TOX4: variants seen among roughly 807,000 people sequenced by gnomAD.
TOX4 encodes TOX high mobility group box family member 4, also known as epidermal Langerhans cell protein LCP1.
A neutral mutation model predicts 61.0 loss-of-function variants in TOX4; 12 were observed. The ratio of observed to expected loss-of-function variants is 0.20; its 90% CI spans 0.13 to 0.32. The LOEUF (loss-of-function observed/expected upper bound fraction) is 0.32. Among genes scored for constraint, TOX4 ranks in the 10% least tolerant of loss-of-function variants. The probability of loss-of-function intolerance (pLI) is 1.00; values close to 1 mark genes in which losing one functional copy is unlikely to be tolerated. For missense variants in TOX4, 499 were observed against 753.3 expected, an observed-to-expected ratio of 0.66 and a Z score of 3.95; for synonymous variants, 268 against 274.8, an observed-to-expected ratio of 0.98 and a Z score of 0.24.
intron 8 of TOX4, chr14:21,496,298 C>G (rs934202904): frequency 4.0e-5 from 12 of 301,262 alleles, no homozygotes; most frequent in Non-Finnish European, 7.5e-5. Flanking sequence ...GAGGCCAAAG[C>G]GGGCGATTCA....
At chr14:21,489,456 A>C in intron 5 of TOX4, 53 bp downstream of exon 5, 3 of 1,501,954 alleles carry the variant, frequency 2.0e-6, no homozygotes, top group Non-Finnish European at 2.7e-6. Context: ...TTTTAAAGAG[A>C]TAAAAATTGA....
In TOX4 at chr14:21,496,648, A is replaced by G. The variant is rs1453639236; in HGVS notation, c.*42A>G. ...AGCCAGTGAAGAGTTATCTGCTGGG[A>G]AAGTGTCCAAGAGCCTGTTTTTGAA... is the stretch of plus-strand genomic sequence containing the variant. On this transcript the variant is annotated 3_prime_UTR_variant, in exon 9 of 9. Coordinates refer to ENST00000448790, the MANE Select transcript of TOX4 (RefSeq NM_014828.4). 5.7e-6 allele frequency: 9 copies of G among 1,576,058 alleles called. No individual in the cohort carries two copies. Among genetic ancestry groups the G allele is most frequent in the Non-Finnish European group, 7.8e-6 (9 of 1,148,228 alleles).
intron 1 of TOX4, 21 bp from the exon 2 acceptor site, chr14:21,477,475 C>T: frequency 4.3e-6 from 7 of 1,613,038 alleles, no homozygotes; most frequent in Non-Finnish European, 5.9e-6. Context: ...CTTATCCCCG[C>T]GACTTTCTTT....
At chr14:21,480,369 C>G (rs1891087404) in intron 2 of TOX4, among the ~76,000 whole-genome samples, 1 of 152,088 alleles carries the variant, frequency 6.6e-6, no homozygotes, top group African/African-American at 2.4e-5. Flanking sequence ...GCCTAAGGCT[C>G]CTGTCATTGT....
At chr14:21,482,428 A>G (rs1275855597) in intron 2 of TOX4, 1 of 363,694 alleles carries the variant, frequency 2.7e-6, no homozygotes, top group African/African-American at 2.2e-5. Flanking sequence ...AATAAGCTAA[A>G]GAAATAATAG....
At chr14:21,478,840 G>T (rs1307916759) in intron 2 of TOX4, among the ~76,000 whole-genome samples, 1 of 149,866 alleles carries the variant, frequency 6.7e-6, no homozygotes, top group Non-Finnish European at 1.5e-5. Flanking sequence ...CAGTCTCCCT[G>T]TAGCCCAGGC....
rs1375558106 is a variant in TOX4 at position 21,497,177 on chromosome 14, TTA to T, written c.*573_*574del. ...TCTGCAGTTACCATCCTTATCTGAG[TTA>T]TCACAGTTCATGAATCTAAGAGGCG... is the stretch of plus-strand genomic sequence containing the variant. On this transcript the variant is annotated 3_prime_UTR_variant, in exon 9 of 9. Transcript: ENST00000448790. The T allele has an allele frequency of 6.6e-6, 1 of 152,428 alleles. No homozygotes were observed. The highest frequency in any genetic ancestry group is 1.5e-5 in the Non-Finnish European group (1 of 68,196). The allele number at this position is 152,428 out of a possible 1,614,324, so 9.4% of individuals were successfully genotyped here.
At position 21,498,977 on chromosome 14, in the gene TOX4, CATAAATA is replaced by C. The variant is rs1891484440; in HGVS notation, c.*2375_*2381del. The C allele has an allele frequency of 7.6e-7, 1 of 1,316,062 alleles. No homozygotes were observed. The highest frequency in any genetic ancestry group is 1.4e-5 in the African/African-American group (1 of 68,972). 81.5% of individuals were successfully genotyped at this position (1,316,062 alleles called of 1,614,324 possible). A position where few individuals can be genotyped will look rare whatever the true frequency, so the allele number is the denominator to read the frequency against. On this transcript the variant is annotated 3_prime_UTR_variant, in exon 9 of 9. Transcript: ENST00000448790. ...AGCTCTACTAAGTTCTGTCCTTAATCATAAATAATAGCCCCTTGAGGACTAGCCTGTT... is the reference window on the plus strand; with the variant it reads ...AGCTCTACTAAGTTCTGTCCTTAATCATAGCCCCTTGAGGACTAGCCTGTT...
At chr14:21,495,090 C>T (rs1891372529) in intron 7 of TOX4, 139 bp from the exon 8 acceptor site, 4 of 873,190 alleles carry the variant, frequency 4.6e-6, no homozygotes, top group Non-Finnish European at 5.4e-6. Flanking sequence ...CAAGAACTCA[C>T]CTTCTTCTGC....
At chr14:21,484,357 TTTTTTTTTTG>T (rs1891162274) in intron 2 of TOX4, among the ~76,000 whole-genome samples, 2 of 100,086 alleles carry the variant, frequency 2.0e-5, no homozygotes, top group African/African-American at 9.7e-5. Flanking sequence ...TTTTTTTTTT[TTTTTTTTTTG>T]AGACAGAGTC....
At chr14:21,478,516 A>C (rs1254343569) in intron 2 of TOX4, among the ~76,000 whole-genome samples, 1 of 152,232 alleles carries the variant, frequency 6.6e-6, no homozygotes, top group Non-Finnish European at 1.5e-5. Context: ...GTTCGTTAAA[A>C]AAGTTTGGTT....
intron 2 of TOX4, among the ~76,000 whole-genome samples, chr14:21,484,470 T>C (rs1891165765): frequency 2.7e-5 from 1 of 37,410 alleles, no homozygotes; most frequent in Non-Finnish European, 6.2e-5. Context: ...TGCCTCAGCC[T>C]CCTGATGTAG....
At position 21,485,244 on chromosome 14, in the gene TOX4, C is replaced by T. The variant is rs564151233; in HGVS notation, c.76-2207C>T. On this transcript the variant is annotated intron_variant, in intron 2 of 8. Transcript: ENST00000448790. Reference sequence around the variant, plus strand: ...CAGCCTGACCAACATGGAGAAACCCCGTCTCTACTAAAAATACAAAATTAG... The same window carrying T: ...CAGCCTGACCAACATGGAGAAACCCTGTCTCTACTAAAAATACAAAATTAG... Among the ~76,000 whole-genome samples, 15 of 104,218 alleles carry T rather than the reference C, an allele frequency of 1.4e-4. 6 individuals are homozygous for T. Among genetic ancestry groups the T allele is most frequent in the East Asian group, 1.1e-3 (3 of 2,666 alleles). 68.4% of individuals were successfully genotyped at this position (104,218 alleles called of 152,430 possible). A position where few individuals can be genotyped will look rare whatever the true frequency, so the allele number is the denominator to read the frequency against.
chr14:21,492,285 C>CT lies in TOX4; in HGVS notation c.811-5dup, dbSNP rs1891308477. On this transcript the variant is annotated splice_polypyrimidine_tract_variant and intron_variant, in intron 5 of 8. Transcript: ENST00000448790. ...AGTTTTGTTTTTTTTTTTAAAGTCT[C>CT]TTTTTTGCAGGTATATAAGAGGAAA... is the stretch of plus-strand genomic sequence containing the variant. 5 of 1,580,450 alleles carry CT rather than the reference C, an allele frequency of 3.2e-6. No homozygotes were observed. The highest frequency in any genetic ancestry group is 4.3e-6 in the Non-Finnish European group (5 of 1,164,212).
chr14:21,484,174 A>G (rs1245610073), intron 2 of TOX4, among the ~76,000 whole-genome samples: 8 of 152,050 alleles, frequency 5.3e-5, no homozygotes, highest in Non-Finnish European at 8.8e-5. Flanking sequence ...ATTTTTTACC[A>G]TACCAAGTAA....
chr14:21,489,417 G>A lies in TOX4; in HGVS notation c.810+14G>A, dbSNP rs757891660. The stretch of plus-strand genomic sequence containing the variant: ...GAGCAAAAACAGGTGAGCAAATATT[G>A]AGGAACTAGTAGTGAATGTTCCAGA... On this transcript the variant is annotated intron_variant, in intron 5 of 8. Coordinates refer to ENST00000448790, the MANE Select transcript of TOX4 (RefSeq NM_014828.4). 6.2e-7 allele frequency: 1 copy of A among 1,604,042 alleles called. No homozygotes were observed. Among genetic ancestry groups the A allele is most frequent in the East Asian group, 2.2e-5 (1 of 44,830 alleles).
chr14:21,495,518 C>A, intron 8 of TOX4, 126 bp downstream of exon 8: 3 of 1,161,596 alleles, frequency 2.6e-6, no homozygotes, highest in Non-Finnish European at 3.6e-6. Context: ...GTTGCTGTAT[C>A]TGGTCTACTA....
chr14:21,482,230 T>TA (rs140605141), intron 2 of TOX4, among the ~76,000 whole-genome samples: 2,078 of 152,258 alleles, frequency 0.014, 46 homozygotes, highest in African/African-American at 0.047. Context: ...GGCATAAAGG[T>TA]ACCCATCCTT....
chr14:21,498,185 G>C lies in TOX4; in HGVS notation c.*1579G>C. The stretch of plus-strand genomic sequence containing the variant: ...TATTTAAATAAAGAAGAAAGCTATT[G>C]TACAAATATCACTCTTCAGGTTTAG... On this transcript the variant is annotated 3_prime_UTR_variant, in exon 9 of 9. Coordinates refer to ENST00000448790, the MANE Select transcript of TOX4 (RefSeq NM_014828.4). The C allele has an allele frequency of 2.3e-6, 2 of 884,158 alleles. No individual in the cohort carries two copies. Among genetic ancestry groups the C allele is most frequent in the Non-Finnish European group, 3.8e-6 (2 of 531,676 alleles). 54.8% of individuals were successfully genotyped at this position (884,158 alleles called of 1,614,324 possible).
Sources: gnomAD v4.1 joint callset for allele counts (sites outside exome capture counted in the v4.1 genomes callset) on GRCh38, gnomAD v4.1.1 for gene constraint, MANE v1.5 for transcripts, NCBI Gene and HGNC (gene_info 2026-07-23, HGNC 2026-07-21) for gene names.